Variants in MYO18B observed in about 807,000 individuals in gnomAD.
MYO18B encodes unconventional myosin-XVIIIb.
MYO18B carries 204 observed loss-of-function variants against 273.0 expected under a neutral mutation model. That is an observed-to-expected ratio of 0.75 (90% CI 0.67 to 0.84). The LOEUF (loss-of-function observed/expected upper bound fraction) is 0.84, where lower values mean the gene tolerates loss of function less well. Among genes scored for constraint, MYO18B ranks in the 40% least tolerant of loss-of-function variants. The pLI is 0.00. For synonymous variants in MYO18B, 1,330 were observed against 1,305.7 expected (o/e 1.02, Z -0.40); for missense variants, 3,212 against 3,287.6 (o/e 0.98, Z 0.56).
chr22:26,055,617 T>A, the MYO18B span, among the ~76,000 whole-genome samples: 5 of 152,220 alleles, frequency 3.3e-5, no homozygotes, highest in Non-Finnish European at 7.3e-5. Flanking sequence ...AAACTCTTTA[T>A]CTTTCTGGTT....
chr22:25,809,066 C>T (rs111622247), intron 12 of MYO18B, among the ~76,000 whole-genome samples: 11 of 152,134 alleles, frequency 7.2e-5, no homozygotes, highest in African/African-American at 2.2e-4. Flanking sequence ...CCTTAGCCTC[C>T]CGAGTAGCTG....
chr22:25,765,698 G>T (rs897941230), intron 3 of MYO18B, among the ~76,000 whole-genome samples: 1 of 152,134 alleles, frequency 6.6e-6, no homozygotes, highest in Non-Finnish European at 1.5e-5. Flanking sequence ...TAAAAAGGGT[G>T]GCAGGGTGGG....
intron 1 of MYO18B, among the ~76,000 whole-genome samples, chr22:25,750,820 A>T (rs1466643427): frequency 1.3e-5 from 2 of 152,202 alleles, no homozygotes; most frequent in Non-Finnish European, 2.9e-5. Flanking sequence ...GCATGGTGTC[A>T]TGGAGGAAGG....
intron 11 of MYO18B, among the ~76,000 whole-genome samples, chr22:25,796,068 A>G (rs983717540): frequency 6.6e-6 from 1 of 152,156 alleles, no homozygotes; most frequent in Non-Finnish European, 1.5e-5. Flanking sequence ...TCAGTTTCTC[A>G]TTATCGGCTG....
intron 33 of MYO18B, among the ~76,000 whole-genome samples, chr22:25,915,311 C>T (rs886719253): frequency 2.6e-5 from 4 of 152,124 alleles, no homozygotes. Flanking sequence ...TCCTAGAGTG[C>T]ACTCACACAA....
intron 1 of MYO18B, among the ~76,000 whole-genome samples, chr22:25,753,387 C>T (rs1317660827): frequency 6.6e-6 from 1 of 152,214 alleles, no homozygotes; most frequent in African/African-American, 2.4e-5. Context: ...AGTCAGCTCT[C>T]TGTAAAACGG....
rs1878040283 is a variant in MYO18B at position 25,890,736 on chromosome 22, C to T, written c.4315-20C>T. 1.2e-5 allele frequency: 20 copies of T among 1,613,132 alleles called. No individual in the cohort carries two copies. Among genetic ancestry groups the T allele is most frequent in the Admixed American group, 3.3e-5 (2 of 59,932 alleles). Reference sequence around the variant, plus strand: ...CTCCATCGAGTGACCGTTCCTTGATCACCCCATTCCCCATCTCAGATTGCT... The same window carrying T: ...CTCCATCGAGTGACCGTTCCTTGATTACCCCATTCCCCATCTCAGATTGCT... On this transcript the variant is annotated intron_variant, in intron 25 of 43. Coordinates refer to ENST00000335473, the MANE Select transcript of MYO18B (RefSeq NM_032608.7).
At chr22:26,043,301 C>T in the MYO18B span, among the ~76,000 whole-genome samples, 578 of 151,944 alleles carry the variant, frequency 3.8e-3, 3 homozygotes, top group Non-Finnish European at 5.7e-3. Flanking sequence ...TATTTATTTT[C>T]CTGTAGATGA....
At chr22:25,960,563 T>C (rs2092907367) in intron 39 of MYO18B, among the ~76,000 whole-genome samples, 1 of 152,216 alleles carries the variant, frequency 6.6e-6, no homozygotes, top group Non-Finnish European at 1.5e-5. Flanking sequence ...GTGCTTCTGC[T>C]CACTCTTCCT....
At position 25,955,357 on chromosome 22, in the gene MYO18B, T is replaced by C. The variant is rs765185367; in HGVS notation, c.6149T>C (p.Met2050Thr). The C allele has an allele frequency of 1.2e-6, 2 of 1,612,674 alleles. No individual in the cohort carries two copies. Among genetic ancestry groups the C allele is most frequent in the Non-Finnish European group, 1.7e-6 (2 of 1,179,396 alleles). The change falls in exon 39 of 44, where the codon ATG becomes ACG. Residue 2050 changes from methionine to threonine, a missense_variant. Transcript: ENST00000335473. ...GAGGCAGAGGCCAGCCGGCGGTGCA[T>C]GGAGCTGGTGAGTCCTGTCCCCATC... ...QREAEASRRC[M>T]ELEKYVEELA...
At position 25,921,362 on chromosome 22, in the gene MYO18B, G is replaced by A; in HGVS notation, c.5470G>A (p.Gly1824Ser). 1 of 1,596,926 alleles carries A rather than the reference G, an allele frequency of 6.3e-7. No individual in the cohort carries two copies. The highest frequency in any genetic ancestry group is 1.1e-5 in the South Asian group (1 of 87,434). The change falls in exon 34 of 44, where the codon GGC becomes AGC. Residue 1824 changes from glycine to serine, a missense_variant. Physicochemically the swap from Gly to Ser is moderately conservative, Grantham distance 56. Transcript: ENST00000335473. ...VQLLLGTMED[G>S]KTSVSKEELE... is the part of the protein sequence containing the mutation. ...GCTCCTTCTGGGCACCATGGAGGAT[G>A]GCAAGACATCAGTCAGCAAGGAGGA...
At chr22:25,998,966 T>C (rs1281544401) in intron 40 of MYO18B, among the ~76,000 whole-genome samples, 1 of 152,170 alleles carries the variant, frequency 6.6e-6, no homozygotes, top group Non-Finnish European at 1.5e-5. Context: ...TCCAAACTAC[T>C]TTGTCTATTC....
the MYO18B span, among the ~76,000 whole-genome samples, chr22:26,046,333 C>T: frequency 6.6e-6 from 1 of 152,180 alleles, no homozygotes; most frequent in Non-Finnish European, 1.5e-5. Context: ...AAATAATGGC[C>T]TCTAGGGAGA....
chr22:25,973,769 G>A lies in MYO18B; in HGVS notation c.6156+18405G>A, dbSNP rs571900185. Among the ~76,000 whole-genome samples, 4 of 152,288 alleles carry A rather than the reference G, an allele frequency of 2.6e-5. No individual in the cohort carries two copies. The South Asian group carries it at 8.3e-4, about 32-fold the overall frequency. ...AATGCTTTGTGTTCCCATCTTATTT[G>A]TAATTGCCTCCCAGACTTCTCCCTA... On this transcript the variant is annotated intron_variant, in intron 39 of 43. Transcript: ENST00000335473.
intron 15 of MYO18B, among the ~76,000 whole-genome samples, chr22:25,829,522 TAAA>T (rs55957728): frequency 7.2e-6 from 1 of 139,386 alleles, no homozygotes. Flanking sequence ...TCTTTTTTCA[TAAA>T]AAAAAAAAAA....
rs916672722 is a variant in MYO18B at position 25,921,287 on chromosome 22, C to T, written c.5395C>T (p.Arg1799Ter). Residue 1799 changes from arginine to a stop codon, truncating the protein, a stop_gained, in exon 34 of 44, where the codon CGA becomes TGA. Coordinates refer to ENST00000335473, the MANE Select transcript of MYO18B (RefSeq NM_032608.7). LOFTEE classifies it high-confidence loss of function. Reference protein sequence around the residue: ...IGHRDFDVEKRLRRDLRRTHA... With the variant: ...IGHRDFDVEK ...CCATCGGGACTTTGATGTGGAGAAG[C>T]GACTTCGGAGAGACCTCAGGAGGAC... 1.2e-5 allele frequency: 19 copies of T among 1,553,348 alleles called. No homozygotes were observed. The highest frequency in any genetic ancestry group is 2.4e-5 in the East Asian group (1 of 41,050).
intron 11 of MYO18B, among the ~76,000 whole-genome samples, chr22:25,789,164 G>A (rs928797252): frequency 6.7e-6 from 1 of 148,190 alleles, no homozygotes; most frequent in Non-Finnish European, 1.5e-5. Context: ...AAGGATGGCA[G>A]CATTGGGCAA....
At chr22:26,036,667 G>T in the MYO18B span, among the ~76,000 whole-genome samples, 2 of 152,046 alleles carry the variant, frequency 1.3e-5, no homozygotes, top group East Asian at 1.9e-4. Flanking sequence ...TCCTGCTTAG[G>T]CTTGCTGCAA....
intron 43 of MYO18B, among the ~76,000 whole-genome samples, chr22:26,029,008 C>T (rs1465847656): frequency 2.0e-5 from 3 of 152,050 alleles, no homozygotes; most frequent in Non-Finnish European, 4.4e-5. Context: ...TATTTATTCC[C>T]ATTTACCAGG....
Sources: allele counts gnomAD v4.1 joint callset (sites outside exome capture counted in the v4.1 genomes callset), GRCh38; gene constraint gnomAD v4.1.1; transcripts MANE v1.5; gene names NCBI Gene and HGNC (gene_info 2026-07-23, HGNC 2026-07-21).